Variants in MYOCOS observed in about 807,000 individuals in gnomAD.
MYOCOS encodes myocilin opposite strand protein.
chr1:171,624,556 C>T (rs1367761726), intron 2 of MYOCOS, among the ~76,000 whole-genome samples: 1 of 152,024 alleles, frequency 6.6e-6, no homozygotes, highest in Non-Finnish European at 1.5e-5. Flanking sequence ...CCCACCTCAG[C>T]CTTCTGAGTA....
rs1652714694 is a variant in MYOCOS, at chr1:171,626,778, G to GT, written c.*183dup. 5.1e-6 allele frequency: 2 copies of GT among 392,928 alleles called. No homozygotes were observed. The highest frequency in any genetic ancestry group is 4.4e-5 in the Admixed American group (1 of 22,590). 24.3% of individuals were successfully genotyped at this position (392,928 alleles called of 1,614,324 possible). Reference sequence around the variant, plus strand: ...TTGCTAATAGACTTAGTCATTTTTGGTTTTTTAATCCAAGTCTCTGATATG... The same window carrying GT: ...TTGCTAATAGACTTAGTCATTTTTGGTTTTTTTAATCCAAGTCTCTGATATG... On this transcript the variant is annotated 3_prime_UTR_variant, in exon 3 of 3. Coordinates refer to ENST00000637642, the MANE Select transcript of MYOCOS (RefSeq NM_001391940.1).
chr1:171,601,922 C>T (rs1270240322), intron 1 of MYOCOS, among the ~76,000 whole-genome samples: 3 of 152,012 alleles, frequency 2.0e-5, no homozygotes, highest in East Asian at 3.9e-4. Flanking sequence ...AAATCCCAAA[C>T]TTACAAGGTT....
intron 1 of MYOCOS, among the ~76,000 whole-genome samples, chr1:171,622,956 TG>T (rs1652603710): frequency 6.6e-6 from 1 of 152,170 alleles, no homozygotes; most frequent in African/African-American, 2.4e-5. Flanking sequence ...GGGCCAGGCA[TG>T]GTGGCTCATG....
chr1:171,608,110 G>A (rs375971788), intron 1 of MYOCOS, among the ~76,000 whole-genome samples: 11 of 152,146 alleles, frequency 7.2e-5, no homozygotes, highest in African/African-American at 2.7e-4. Flanking sequence ...CTCCCACCGG[G>A]TCCCTCCCAC....
rs35353881 is a variant in MYOCOS, at chr1:171,607,093, C to CAAA, written c.-252+6033_-252+6035dup. Among the ~76,000 whole-genome samples, 39 of 66,686 alleles carry CAAA rather than the reference C, an allele frequency of 5.8e-4. 1 individual carries two copies. The highest frequency in any genetic ancestry group is 1.0e-3 in the South Asian group (2 of 1,934). The allele number at this position is 66,686 out of a possible 152,430, so 43.7% of individuals were successfully genotyped here. A position where few individuals can be genotyped will look rare whatever the true frequency, so the allele number is the denominator to read the frequency against. ...TGGGCAAGAGAGTGAGACTCTGTCT[C>CAAA]AAAAAAAAAAAAAAAAAAAAAAGCA... On this transcript the variant is annotated intron_variant, in intron 1 of 3. Coordinates refer to the MYOCOS transcript ENST00000636697.
intron 2 of MYOCOS, among the ~76,000 whole-genome samples, chr1:171,625,467 G>T (rs7524996): frequency 1.2e-4 from 19 of 152,176 alleles, no homozygotes; most frequent in African/African-American, 4.6e-4. Context: ...TTTAATGTGG[G>T]GGCTGAGATT....
At chr1:171,610,275 G>T (rs1652333144) in intron 1 of MYOCOS, among the ~76,000 whole-genome samples, 3 of 152,110 alleles carry the variant, frequency 2.0e-5, no homozygotes, top group Admixed American at 6.5e-5. Context: ...TGTTTGCAGG[G>T]TATCATCTCC....
upstream of MYOCOS, among the ~76,000 whole-genome samples, chr1:171,617,747 A>G (rs770059778): frequency 6.6e-6 from 1 of 152,206 alleles, no homozygotes; most frequent in East Asian, 1.9e-4. Flanking sequence ...AGGTTTTAAG[A>G]TGGGAGAAAT....
chr1:171,602,190 A>G (rs1652155949), intron 1 of MYOCOS, among the ~76,000 whole-genome samples: 1 of 152,224 alleles, frequency 6.6e-6, no homozygotes, highest in Non-Finnish European at 1.5e-5. Flanking sequence ...GTAATAAGTC[A>G]GAAAGTTGAG....
intron 1 of MYOCOS, among the ~76,000 whole-genome samples, chr1:171,611,846 T>A (rs1054451927): frequency 6.6e-6 from 1 of 151,348 alleles, no homozygotes; most frequent in Non-Finnish European, 1.5e-5. Flanking sequence ...GGATGGAAAA[T>A]CATGCCCCAG....
chr1:171,621,445 G>T (rs551432541), upstream of MYOCOS, among the ~76,000 whole-genome samples: 1 of 138,486 alleles, frequency 7.2e-6, no homozygotes, highest in African/African-American at 2.8e-5. Context: ...GCGCGATCTC[G>T]GCTCACTGCA....
In MYOCOS at chr1:171,605,396, A is replaced by ACACACACACACAC. The variant is rs1415539776; in HGVS notation, c.-252+4316_-252+4317insCACACACACACAC. Among the ~76,000 whole-genome samples the ACACACACACACAC allele has an allele frequency of 5.4e-3, 650 of 120,848 alleles. 5 individuals are homozygous for ACACACACACACAC. The highest frequency in any genetic ancestry group is 0.023 in the South Asian group (88 of 3,818). The allele number at this position is 120,848 out of a possible 152,430, so 79.3% of individuals were successfully genotyped here. A position where few individuals can be genotyped will look rare whatever the true frequency, so the allele number is the denominator to read the frequency against. On this transcript the variant is annotated intron_variant, in intron 1 of 3. Transcript: ENST00000636697. ...TACCACACACACACACACACACACA[A>ACACACACACACAC]AAAAAAAAAAACAGTTACATGATAA... is the stretch of plus-strand genomic sequence containing the variant.
intron 2 of MYOCOS, among the ~76,000 whole-genome samples, chr1:171,615,652 C>G (rs559146288): frequency 6.6e-6 from 1 of 152,302 alleles, no homozygotes; most frequent in Non-Finnish European, 1.5e-5. Flanking sequence ...TTGTGAAACT[C>G]CCTGCCCTGT....
At chr1:171,612,081 C>T (rs370322145) in intron 1 of MYOCOS, among the ~76,000 whole-genome samples, 1 of 151,756 alleles carries the variant, frequency 6.6e-6, no homozygotes, top group Non-Finnish European at 1.5e-5. Context: ...CTTTTCTTTT[C>T]TTTTCTTTGA....
chr1:171,613,546 A>ATT (rs35731495), intron 1 of MYOCOS, among the ~76,000 whole-genome samples: 23 of 148,230 alleles, frequency 1.6e-4, no homozygotes, highest in East Asian at 5.9e-4. Context: ...TCTGTGATGC[A>ATT]TTTTTTTTTT....
At chr1:171,602,247 TA>T (rs1372575681) in intron 1 of MYOCOS, among the ~76,000 whole-genome samples, 3 of 152,170 alleles carry the variant, frequency 2.0e-5, no homozygotes, top group South Asian at 2.1e-4. Context: ...AAAAATGTTA[TA>T]AAAAATTATG....
In MYOCOS at chr1:171,623,827, T is replaced by C. The variant is rs1267017853; in HGVS notation, c.-43-14T>C. Reference sequence around the variant, plus strand: ...TGAAGCATGTGTGCCAGCTCTTGTGTTTTGCATTCACAGGTGCAGTAACTT... The same window carrying C: ...TGAAGCATGTGTGCCAGCTCTTGTGCTTTGCATTCACAGGTGCAGTAACTT... On this transcript the variant is annotated splice_polypyrimidine_tract_variant and intron_variant, in intron 1 of 2. Transcript: ENST00000637642. 1 of 398,154 alleles carries C rather than the reference T, an allele frequency of 2.5e-6. No homozygotes were observed. Among genetic ancestry groups the C allele is most frequent in the South Asian group, 1.3e-4 (1 of 7,814 alleles). The allele number at this position is 398,154 out of a possible 1,614,324, so 24.7% of individuals were successfully genotyped here. A position where few individuals can be genotyped will look rare whatever the true frequency, so the allele number is the denominator to read the frequency against.
chr1:171,616,746 C>G (rs747527722), intron 2 of MYOCOS, among the ~76,000 whole-genome samples: 1 of 152,148 alleles, frequency 6.6e-6, no homozygotes, highest in African/African-American at 2.4e-5. Context: ...TGATGAATGT[C>G]ATATCCTATA....
chr1:171,626,538 GACCTACCTCACAGT>G lies in MYOCOS; in HGVS notation c.185_198del (p.Tyr62SerfsTer9). 1 of 398,586 alleles carries G rather than the reference GACCTACCTCACAGT, an allele frequency of 2.5e-6. No homozygotes were observed. Among genetic ancestry groups the G allele is most frequent in the Non-Finnish European group, 4.4e-6 (1 of 226,068 alleles). 24.7% of individuals were successfully genotyped at this position (398,586 alleles called of 1,614,324 possible). A position where few individuals can be genotyped will look rare whatever the true frequency, so the allele number is the denominator to read the frequency against. ...TGGAGCAAGCCCCTCCCCCTCACAG[GACCTACCTCACAGT>G]ACCTCCTGCCCCACCTCCTTCTCCA... On this transcript the variant is annotated frameshift_variant, in exon 3 of 3. Transcript: ENST00000637642. LOFTEE classifies it low-confidence loss of function (END_TRUNC).
Sources: gnomAD v4.1 joint callset for allele counts (sites outside exome capture counted in the v4.1 genomes callset) on GRCh38, gnomAD v4.1.1 for gene constraint, MANE v1.5 for transcripts, NCBI Gene and HGNC (gene_info 2026-07-23, HGNC 2026-07-21) for gene names.